The following SPAG17 variants were observed in gnomAD, a reference collection of about 807,000 sequenced individuals.
SPAG17 encodes sperm-associated antigen 17.
Under a neutral mutation model 273.6 loss-of-function variants are expected in SPAG17, and 169 were observed. That is an observed-to-expected ratio of 0.62 (90% confidence interval 0.55 to 0.70). The LOEUF (loss-of-function observed/expected upper bound fraction) is 0.70, where lower values mean the gene tolerates loss of function less well. SPAG17 is among the 30% of genes least tolerant of loss of function. The pLI is 0.00. For missense variants in SPAG17, 2,557 were observed against 2,627.8 expected (o/e 0.97, Z 0.59); for synonymous variants, 825 against 873.2 (o/e 0.94, Z 0.97).
intron 3 of SPAG17, among the ~76,000 whole-genome samples, chr1:118,146,817 C>G (rs1659021061): frequency 6.6e-6 from 1 of 152,254 alleles, no homozygotes; most frequent in Admixed American, 6.5e-5. Context: ...CCTCCATTTC[C>G]CCGTGCACAC....
intron 1 of SPAG17, among the ~76,000 whole-genome samples, chr1:118,166,965 T>C (rs1247120626): frequency 6.6e-6 from 1 of 152,086 alleles, no homozygotes; most frequent in Non-Finnish European, 1.5e-5. Flanking sequence ...TATTACTTTT[T>C]GAGGCTCAAC....
At chr1:117,967,220 C>G (rs1295022510) in intron 46 of SPAG17, among the ~76,000 whole-genome samples, 1 of 150,718 alleles carries the variant, frequency 6.6e-6, no homozygotes, top group East Asian at 1.9e-4. Context: ...ATTGCTTGAA[C>G]CCAGGAGGCA....
At chr1:118,139,019 T>A (rs1354622714) in intron 3 of SPAG17, among the ~76,000 whole-genome samples, 1 of 152,110 alleles carries the variant, frequency 6.6e-6, no homozygotes, top group Non-Finnish European at 1.5e-5. Flanking sequence ...TTTTAATATT[T>A]GTAAGCCATA....
intron 3 of SPAG17, among the ~76,000 whole-genome samples, chr1:118,141,907 C>CTAG: frequency 6.6e-6 from 1 of 152,284 alleles, no homozygotes; most frequent in East Asian, 1.9e-4. Context: ...GCCATGAGGA[C>CTAG]TAGTATAATG....
intron 3 of SPAG17, among the ~76,000 whole-genome samples, chr1:118,132,767 ATTTTCTTTTC>A (rs58219610): frequency 6.7e-6 from 1 of 150,178 alleles, no homozygotes; most frequent in Non-Finnish European, 1.5e-5. Flanking sequence ...AAGCGTGAAC[ATTTTCTTTTC>A]TTTTCTTTTC....
chr1:118,065,308 G>A (rs562424663), intron 18 of SPAG17, among the ~76,000 whole-genome samples: 20 of 152,164 alleles, frequency 1.3e-4, no homozygotes, highest in African/African-American at 4.1e-4. Flanking sequence ...TAGAAGTCGT[G>A]TCAGTAATCA....
At chr1:118,068,730 A>G (rs555085524) in intron 17 of SPAG17, among the ~76,000 whole-genome samples, 28 of 152,324 alleles carry the variant, frequency 1.8e-4, no homozygotes, top group African/African-American at 6.0e-4. Context: ...AGGTACTAGG[A>G]AAACAAAAAT....
intron 48 of SPAG17, 41 bp from the exon 49 acceptor site, chr1:117,954,090 A>T: frequency 1.2e-6 from 2 of 1,612,070 alleles, no homozygotes; most frequent in Non-Finnish European, 1.7e-6. Flanking sequence ...GTAAAGCTGC[A>T]GGGAAAGAGG....
chr1:118,159,225 G>C (rs1474351756), intron 1 of SPAG17, among the ~76,000 whole-genome samples: 1 of 152,208 alleles, frequency 6.6e-6, no homozygotes, highest in Non-Finnish European at 1.5e-5. Flanking sequence ...TGAAAACACA[G>C]TAGTCTAGAA....
intron 3 of SPAG17, among the ~76,000 whole-genome samples, chr1:118,135,614 C>T (rs1356791480): frequency 6.6e-6 from 1 of 152,078 alleles, no homozygotes; most frequent in East Asian, 1.9e-4. Context: ...ACTTGGTTTA[C>T]TGTTGTATTT....
chr1:118,146,835 A>AT (rs1170844705), intron 3 of SPAG17, among the ~76,000 whole-genome samples: 4 of 152,100 alleles, frequency 2.6e-5, no homozygotes, highest in Non-Finnish European at 4.4e-5. Flanking sequence ...CACAATGGAG[A>AT]TTTTATCTTT....
At chr1:117,958,272 T>C (rs763752219) in intron 48 of SPAG17, among the ~76,000 whole-genome samples, 3 of 152,226 alleles carry the variant, frequency 2.0e-5, no homozygotes, top group Non-Finnish European at 2.9e-5. Flanking sequence ...AAGAATAATA[T>C]GTTCTGTTGC....
chr1:118,024,357 T>C (rs917505112), intron 27 of SPAG17, among the ~76,000 whole-genome samples: 3 of 152,302 alleles, frequency 2.0e-5, no homozygotes, highest in Admixed American at 1.3e-4. Context: ...GAACTCTTGA[T>C]ATTTTTCCTT....
chr1:118,163,271 T>C (rs1660014029), intron 1 of SPAG17, among the ~76,000 whole-genome samples: 1 of 152,184 alleles, frequency 6.6e-6, no homozygotes, highest in South Asian at 2.1e-4. Flanking sequence ...GTGATACGCA[T>C]TGACCTAGAA....
intron 48 of SPAG17, chr1:117,955,093 A>G (rs1651971500): frequency 4.4e-6 from 2 of 453,110 alleles, no homozygotes; most frequent in Non-Finnish European, 7.8e-6. Context: ...TTCACCTTAT[A>G]GATAAGGAAT....
At chr1:117,972,780 A>G (rs889626252) in intron 44 of SPAG17, among the ~76,000 whole-genome samples, 3 of 152,214 alleles carry the variant, frequency 2.0e-5, no homozygotes, top group African/African-American at 4.8e-5. Context: ...ATGGAAGAAA[A>G]AAAAAGATAA....
intron 1 of SPAG17, among the ~76,000 whole-genome samples, chr1:118,168,461 CT>C (rs1194189790): frequency 2.6e-5 from 4 of 152,114 alleles, no homozygotes; most frequent in Non-Finnish European, 5.9e-5. Context: ...AATGAGTTGG[CT>C]GATTCTGGAG....
chr1:118,126,203 CTTT>C (rs776674134), intron 3 of SPAG17, among the ~76,000 whole-genome samples: 5 of 110,568 alleles, frequency 4.5e-5, no homozygotes, highest in Non-Finnish European at 3.6e-5. Flanking sequence ...ATCCTTTATC[CTTT>C]TTTTTTTTTT....
chr1:117,981,198 G>T, intron 43 of SPAG17, 72 bp downstream of exon 43: 2 of 1,450,704 alleles, frequency 1.4e-6, no homozygotes, highest in South Asian at 1.5e-5. Flanking sequence ...GCCTCCTAGC[G>T]CCATCTCCCA....
Sources: gnomAD v4.1 joint callset for allele counts (sites outside exome capture counted in the v4.1 genomes callset) on GRCh38, gnomAD v4.1.1 for gene constraint, MANE v1.5 for transcripts, NCBI Gene and HGNC (gene_info 2026-07-23, HGNC 2026-07-21) for gene names.